The following FBXO34 variants were observed in gnomAD, a reference collection of about 807,000 sequenced individuals.
The protein encoded by FBXO34 is F-box protein 34.
FBXO34 carries 12 observed loss-of-function variants against 24.5 expected under a neutral mutation model. The observed-to-expected ratio is 0.49, with a 90% CI of 0.31 to 0.79. The LOEUF is 0.79. Among genes scored for constraint, FBXO34 ranks in the 30% least tolerant of loss-of-function variants. FBXO34 has a pLI of 0.04. For synonymous variants in FBXO34, 320 were observed against 311.9 expected (o/e 1.03, Z -0.27); for missense variants, 823 against 857.7 (o/e 0.96, Z 0.51).
intron 1 of FBXO34, among the ~76,000 whole-genome samples, chr14:55,316,691 C>A (rs1284026023): frequency 6.8e-6 from 1 of 147,106 alleles, no homozygotes; most frequent in East Asian, 2.0e-4. Flanking sequence ...CATGCCACTG[C>A]ACTACAGCCT....
chr14:55,381,223 G>A, the FBXO34 span, among the ~76,000 whole-genome samples: 1 of 152,146 alleles, frequency 6.6e-6, no homozygotes. Context: ...CCAGCACCCA[G>A]CAATGTGCAT....
chr14:55,441,011 T>C, the FBXO34 span, among the ~76,000 whole-genome samples: 1 of 152,074 alleles, frequency 6.6e-6, no homozygotes, highest in Non-Finnish European at 1.5e-5. Flanking sequence ...CATGACCTGC[T>C]AATTTTTGTA....
chr14:55,386,148 T>C, the FBXO34 span: 1 of 1,461,376 alleles, frequency 6.8e-7, no homozygotes, highest in South Asian at 1.2e-5. Context: ...AGTTCCTGTG[T>C]ACTGCAGAGC....
At chr14:55,355,117 G>A (rs1190052888), downstream of FBXO34, 1 of 152,336 alleles carries the variant, frequency 6.6e-6, no homozygotes, top group Non-Finnish European at 1.5e-5. Flanking sequence ...TAGAGGAGGA[G>A]TCAGGGAGCT....
chr14:55,414,664 A>T, the FBXO34 span, among the ~76,000 whole-genome samples: 8 of 152,116 alleles, frequency 5.3e-5, no homozygotes, highest in African/African-American at 1.9e-4. Flanking sequence ...GTTTTCTAGA[A>T]CTTCTCTGTG....
chr14:55,279,550 C>G (rs1227367942), intron 1 of FBXO34, among the ~76,000 whole-genome samples: 1 of 152,154 alleles, frequency 6.6e-6, no homozygotes, highest in East Asian at 1.9e-4. Context: ...CTCAGTTTAA[C>G]GACACCCTGA....
chr14:55,331,671 G>GTGTGTGTATATA (rs1883544767), intron 1 of FBXO34, among the ~76,000 whole-genome samples: 1 of 45,570 alleles, frequency 2.2e-5, no homozygotes, highest in African/African-American at 1.3e-4. Flanking sequence ...CATGGTGTGT[G>GTGTGTGTATATA]TATATATATA....
intron 1 of FBXO34, among the ~76,000 whole-genome samples, chr14:55,304,818 G>A (rs1239632964): frequency 6.6e-6 from 1 of 152,020 alleles, no homozygotes; most frequent in Admixed American, 6.6e-5. Flanking sequence ...CATTTTTATT[G>A]TAATAATCTT....
chr14:55,413,552 C>T, the FBXO34 span: 2 of 417,040 alleles, frequency 4.8e-6, no homozygotes, highest in Admixed American at 5.3e-5. Flanking sequence ...TTTTTTGACA[C>T]CTATTATGCC....
chr14:55,408,125 G>T, the FBXO34 span, among the ~76,000 whole-genome samples: 1 of 152,116 alleles, frequency 6.6e-6, no homozygotes, highest in African/African-American at 2.4e-5. Context: ...TAGATACCCT[G>T]CCATTTACAA....
At chr14:55,379,826 G>A in the FBXO34 span, among the ~76,000 whole-genome samples, 5 of 152,186 alleles carry the variant, frequency 3.3e-5, no homozygotes, top group Admixed American at 6.5e-5. Context: ...GGATTCAAGC[G>A]ATTCTTCTGC....
intron 1 of FBXO34, among the ~76,000 whole-genome samples, chr14:55,302,758 A>G (rs534919896): frequency 1.2e-3 from 181 of 152,274 alleles, no homozygotes; most frequent in Non-Finnish European, 1.8e-3. Context: ...AACAAGTTTT[A>G]TGATGTTTCT....
At chr14:55,299,824 G>A (rs1252298958) in intron 1 of FBXO34, among the ~76,000 whole-genome samples, 1 of 152,162 alleles carries the variant, frequency 6.6e-6, no homozygotes, top group East Asian at 1.9e-4. Context: ...AAAAGTAGGT[G>A]GAATCCGTAT....
the FBXO34 span, among the ~76,000 whole-genome samples, chr14:55,376,798 A>C: frequency 6.6e-6 from 1 of 152,212 alleles, no homozygotes; most frequent in African/African-American, 2.4e-5. Flanking sequence ...CTCTGCAGAA[A>C]TGTATGGACA....
At chr14:55,397,565 G>T in the FBXO34 span, 10 of 731,130 alleles carry the variant, frequency 1.4e-5, no homozygotes, top group Admixed American at 1.6e-4. Context: ...GTAAATACAC[G>T]TCTTCTCAAC....
the FBXO34 span, among the ~76,000 whole-genome samples, chr14:55,428,117 A>ACCTTTTTTTT: frequency 4.1e-5 from 2 of 48,352 alleles, no homozygotes; most frequent in African/African-American, 1.4e-4. Flanking sequence ...CACATGCCTT[A>ACCTTTTTTTT]TCTTTTTTTT....
chr14:55,380,631 G>C, the FBXO34 span: 1 of 1,613,114 alleles, frequency 6.2e-7, no homozygotes, highest in Non-Finnish European at 8.5e-7. Flanking sequence ...ATGTTGACCA[G>C]CTGAGTTGCA....
chr14:55,423,903 G>C, the FBXO34 span, among the ~76,000 whole-genome samples: 2 of 152,128 alleles, frequency 1.3e-5, no homozygotes, highest in African/African-American at 4.8e-5. Flanking sequence ...AGCCATATAT[G>C]TTATCATGGA....
chr14:55,414,762 A>G, the FBXO34 span, among the ~76,000 whole-genome samples: 3 of 152,236 alleles, frequency 2.0e-5, no homozygotes, highest in East Asian at 5.8e-4. Flanking sequence ...GAGTAATTTC[A>G]TCAGCACCTG....
Sources: gnomAD v4.1 joint callset for allele counts (sites outside exome capture counted in the v4.1 genomes callset) on GRCh38, gnomAD v4.1.1 for gene constraint, MANE v1.5 for transcripts, NCBI Gene and HGNC (gene_info 2026-07-23, HGNC 2026-07-21) for gene names.